Variants in ROBO2 observed in about 807,000 individuals in gnomAD.
ROBO2 encodes roundabout homolog 2.
A neutral mutation model predicts 160.8 loss-of-function variants in ROBO2; 53 were observed. The observed-to-expected ratio is 0.33, with a 90% CI of 0.26 to 0.41. The LOEUF is 0.41. Ranked by LOEUF, ROBO2 falls within the 10% of genes least tolerant of loss-of-function variation. The probability of loss-of-function intolerance (pLI) is 1.00; values close to 1 mark genes in which losing one functional copy is unlikely to be tolerated. For synonymous variants in ROBO2, 664 were observed against 611.7 expected, an observed-to-expected ratio of 1.09 and a Z score of -1.26; for missense variants, 1,577 against 1,722.4, an observed-to-expected ratio of 0.92 and a Z score of 1.49.
At chr3:76,580,354 G>A (rs187629512) in intron 2 of ROBO2, among the ~76,000 whole-genome samples, 1 of 46,364 alleles carries the variant, frequency 2.2e-5, no homozygotes, top group Non-Finnish European at 4.5e-5. Flanking sequence ...TTTTTTTTTT[G>A]TTTTTTTTTT....
At chr3:77,120,810 A>AG (rs2074679471) in intron 2 of ROBO2, among the ~76,000 whole-genome samples, 1 of 152,196 alleles carries the variant, frequency 6.6e-6, no homozygotes, top group Non-Finnish European at 1.5e-5. Context: ...GAACTTAAAC[A>AG]GGCATTGGTA....
chr3:76,469,634 G>T (rs1479446281), intron 2 of ROBO2, among the ~76,000 whole-genome samples: 2 of 151,808 alleles, frequency 1.3e-5, no homozygotes, highest in East Asian at 3.9e-4. Context: ...TGTGTTTATT[G>T]TATTTTTCTT....
chr3:76,538,069 G>C lies in ROBO2; in HGVS notation c.110-559945G>C, dbSNP rs149091222. 9.1e-3 allele frequency among the ~76,000 whole-genome samples: 1,379 copies of C among 151,862 alleles called. 12 individuals are homozygous for C. The highest frequency in any genetic ancestry group is 0.013 in the Non-Finnish European group (885 of 67,974). On this transcript the variant is annotated intron_variant, in intron 2 of 26. Coordinates refer to the ROBO2 transcript ENST00000487694. ...TTTTTCGGCTGCTCCAGATTTCGTGGCTCCTGCAGACCATCTGGACATATG... is the reference window on the plus strand; with the variant it reads ...TTTTTCGGCTGCTCCAGATTTCGTGCCTCCTGCAGACCATCTGGACATATG...
chr3:76,193,810 A>G (rs1702120369), intron 2 of ROBO2, among the ~76,000 whole-genome samples: 1 of 151,950 alleles, frequency 6.6e-6, no homozygotes, highest in Admixed American at 6.6e-5. Context: ...TGATCATGTG[A>G]CCTCTTTTTT....
intron 2 of ROBO2, among the ~76,000 whole-genome samples, chr3:76,444,330 T>TA (rs1000986517): frequency 4.3e-4 from 65 of 152,238 alleles, no homozygotes; most frequent in African/African-American, 1.4e-3. Flanking sequence ...TTAAATAACT[T>TA]AAAAAATCTA....
At chr3:76,350,769 C>T (rs1027944638) in intron 2 of ROBO2, among the ~76,000 whole-genome samples, 1 of 151,826 alleles carries the variant, frequency 6.6e-6, no homozygotes, top group Non-Finnish European at 1.5e-5. Context: ...TAAAGACTTA[C>T]ATGAAACAAG....
chr3:76,894,131 G>A (rs1254282843), intron 2 of ROBO2, among the ~76,000 whole-genome samples: 2 of 150,932 alleles, frequency 1.3e-5, no homozygotes, highest in African/African-American at 4.8e-5. Flanking sequence ...TATTATCTGT[G>A]GGAGGAAAAA....
At chr3:76,460,524 A>G (rs1287272396) in intron 2 of ROBO2, among the ~76,000 whole-genome samples, 1 of 152,170 alleles carries the variant, frequency 6.6e-6, no homozygotes, top group Non-Finnish European at 1.5e-5. Context: ...ATACAATGGG[A>G]CAAACCAGCT....
chr3:77,641,583 A>G (rs566290778), intron 24 of ROBO2, among the ~76,000 whole-genome samples: 18 of 152,326 alleles, frequency 1.2e-4, no homozygotes, highest in African/African-American at 4.3e-4. Flanking sequence ...CTATTAATGA[A>G]ATAAATGTAT....
intron 2 of ROBO2, among the ~76,000 whole-genome samples, chr3:76,468,614 A>G (rs951637411): frequency 1.3e-5 from 2 of 152,070 alleles, no homozygotes; most frequent in South Asian, 2.1e-4. Flanking sequence ...TTTTCCTGCT[A>G]TGTTCAACAA....
intron 2 of ROBO2, among the ~76,000 whole-genome samples, chr3:76,255,205 C>A (rs1043999142): frequency 3.9e-5 from 6 of 152,060 alleles, no homozygotes; most frequent in African/African-American, 1.4e-4. Flanking sequence ...TGATACAGGG[C>A]TTACGTTCAT....
At chr3:76,558,633 G>A (rs1426693873) in intron 2 of ROBO2, among the ~76,000 whole-genome samples, 1 of 151,876 alleles carries the variant, frequency 6.6e-6, no homozygotes, top group Admixed American at 6.6e-5. Context: ...GGTTTTTTTA[G>A]ATGTTGTACA....
chr3:77,086,015 T>C (rs1166310787), intron 1 of ROBO2, among the ~76,000 whole-genome samples: 6 of 152,128 alleles, frequency 3.9e-5, no homozygotes, highest in African/African-American at 1.4e-4. Flanking sequence ...AAATAGATGC[T>C]TCCTATGCAT....
intron 2 of ROBO2, among the ~76,000 whole-genome samples, chr3:76,269,347 C>G (rs149346767): frequency 6.6e-6 from 1 of 152,016 alleles, no homozygotes; most frequent in Non-Finnish European, 1.5e-5. Flanking sequence ...TGAAGCTTTA[C>G]AATGTTGACC....
At chr3:77,255,840 G>A (rs770157878) in intron 2 of ROBO2, among the ~76,000 whole-genome samples, 4 of 152,130 alleles carry the variant, frequency 2.6e-5, no homozygotes, top group Admixed American at 1.3e-4. Flanking sequence ...TAACATTCTC[G>A]TCAAAGGAAA....
At chr3:76,456,219 T>C (rs766842034) in intron 2 of ROBO2, among the ~76,000 whole-genome samples, 7 of 152,210 alleles carry the variant, frequency 4.6e-5, no homozygotes, top group Admixed American at 6.6e-5. Flanking sequence ...TGTTGCTGGA[T>C]GAATGTTGCA....
chr3:76,262,623 C>G (rs1034741910), intron 2 of ROBO2, among the ~76,000 whole-genome samples: 4 of 152,114 alleles, frequency 2.6e-5, no homozygotes, highest in African/African-American at 9.7e-5. Flanking sequence ...GTCAGCTTTT[C>G]TAATCTCCCA....
intron 6 of ROBO2, among the ~76,000 whole-genome samples, chr3:77,529,992 T>C (rs1409518284): frequency 6.6e-6 from 1 of 151,934 alleles, no homozygotes; most frequent in African/African-American, 2.4e-5. Flanking sequence ...GAACATTTAT[T>C]GTATGGTCAA....
At chr3:76,389,748 C>G (rs1336511986) in intron 2 of ROBO2, among the ~76,000 whole-genome samples, 1 of 152,122 alleles carries the variant, frequency 6.6e-6, no homozygotes, top group Non-Finnish European at 1.5e-5. Flanking sequence ...CTTGGCAATT[C>G]ATCTTTCCAC....
Sources: allele counts gnomAD v4.1 joint callset (sites outside exome capture counted in the v4.1 genomes callset), GRCh38; gene constraint gnomAD v4.1.1; transcripts MANE v1.5; gene names NCBI Gene and HGNC (gene_info 2026-07-23, HGNC 2026-07-21).